Variants in SULT1C3 observed in about 807,000 individuals in gnomAD.
The protein encoded by SULT1C3 is sulfotransferase 1C3.
Under a neutral mutation model 28.4 loss-of-function variants are expected in SULT1C3, and 31 were observed. The observed-to-expected ratio is 1.09, with a 90% CI of 0.82 to 1.47. The LOEUF (loss-of-function observed/expected upper bound fraction) is 1.47, where lower values mean the gene tolerates loss of function less well. Among genes scored for constraint, SULT1C3 ranks in the 40% most tolerant of loss-of-function variants. The pLI is 0.00. For synonymous variants in SULT1C3, 106 were observed against 92.2 expected (o/e 1.15, Z -0.86); for missense variants, 307 against 272.5 (o/e 1.13, Z -0.89).
In SULT1C3 at chr2:108,247,360, A is replaced by G. The variant is rs746519387; in HGVS notation, c.166A>G (p.Lys56Glu). The G allele has an allele frequency of 5.2e-6, 8 of 1,549,734 alleles. No homozygotes were observed. In the East Asian group the frequency reaches 1.9e-4, roughly 36 times the overall value. Residue 56 changes from lysine (K) to glutamate (E), a missense_variant, in exon 2 of 8, where the codon AAG (lysine) becomes GAG (glutamate). Lys to Glu is a moderately conservative substitution (Grantham distance 56, BLOSUM62 1). Transcript: ENST00000681802. ...PDDLILATYPKSGTTWMHEIL... is the reference protein window; with the variant it reads ...PDDLILATYPESGTTWMHEIL... ...TGATCTTATTCTGGCAACTTACCCA[A>G]AGTCAGGTAAGGGTAGCAAAACATA...
At chr2:108,246,417 G>A (rs1207564645) in intron 1 of SULT1C3, among the ~76,000 whole-genome samples, 1 of 152,124 alleles carries the variant, frequency 6.6e-6, no homozygotes, top group Non-Finnish European at 1.5e-5. Flanking sequence ...ATCTGGGGAA[G>A]CCTCACAGTC....
rs567916808 is a variant in SULT1C3 at position 108,255,781 on chromosome 2, C to A, written c.526+83C>A. 20 of 1,494,994 alleles carry A rather than the reference C, an allele frequency of 1.3e-5. No homozygotes were observed. In the East Asian group the frequency reaches 3.1e-4, roughly 23 times the overall value. The allele number at this position is 1,494,994 out of a possible 1,614,324, so 92.6% of individuals were successfully genotyped here. On this transcript the variant is annotated intron_variant, in intron 5 of 7. Coordinates refer to ENST00000681802, the MANE Select transcript of SULT1C3 (RefSeq NM_001320878.2). ...CTCTGTAAACTGGAGGAGAAAGTTA[C>A]AAAAGGCCATCCTGATTGAGGAGGT...
intron 1 of SULT1C3, among the ~76,000 whole-genome samples, chr2:108,246,672 T>G (rs1467979555): frequency 6.6e-6 from 1 of 152,192 alleles, no homozygotes; most frequent in Non-Finnish European, 1.5e-5. Flanking sequence ...TGAAATTATG[T>G]TTTTTGAAGA....
chr2:108,247,289 C>T lies in SULT1C3; in HGVS notation c.95C>T (p.Ser32Leu). Residue 32 changes from serine (S) to leucine (L), a missense_variant, in exon 2 of 8, where the codon TCA (serine) becomes TTA (leucine). By Grantham distance (145) the Ser-to-Leu change is moderately radical (BLOSUM62 -2). Transcript: ENST00000681802. ...GATGGAGTCCCTACGTTGATATTAT[C>T]AAAAGAATGGTGGGAAAAAGTATGT... Reference protein sequence around the residue: ...EVDGVPTLILSKEWWEKVCNF... With the variant: ...EVDGVPTLILLKEWWEKVCNF... 1 of 1,598,490 alleles carries T rather than the reference C, an allele frequency of 6.3e-7. No individual in the cohort carries two copies. Among genetic ancestry groups the T allele is most frequent in the Non-Finnish European group, 8.5e-7 (1 of 1,171,360 alleles).
intron 4 of SULT1C3, among the ~76,000 whole-genome samples, chr2:108,254,869 T>C (rs1425259578): frequency 6.6e-6 from 1 of 150,832 alleles, no homozygotes; most frequent in Non-Finnish European, 1.5e-5. Flanking sequence ...ATCACTCAAA[T>C]CTTTGAGAAC....
At position 108,258,731 on chromosome 2, in the gene SULT1C3, C is replaced by T. The variant is rs545559388; in HGVS notation, c.527-3C>T. 1.2e-6 allele frequency: 2 copies of T among 1,610,920 alleles called. No homozygotes were observed. The highest frequency in any genetic ancestry group is 4.5e-5 in the East Asian group (2 of 44,796). On this transcript the variant is annotated splice_polypyrimidine_tract_variant and splice_region_variant and intron_variant, in intron 5 of 7. Transcript: ENST00000681802. ...GAACTAACAGTGCTCTGACTTCTTCCAGTTGTTGGCGGGTCCTGGTTTGAC... is the reference window on the plus strand; with the variant it reads ...GAACTAACAGTGCTCTGACTTCTTCTAGTTGTTGGCGGGTCCTGGTTTGAC...
chr2:108,263,329 G>A (rs1676064699), downstream of SULT1C3, among the ~76,000 whole-genome samples: 1 of 152,168 alleles, frequency 6.6e-6, no homozygotes, highest in African/African-American at 2.4e-5. Flanking sequence ...TTCAGCCTTT[G>A]CATAAGGGCA....
downstream of SULT1C3, chr2:108,264,970 T>C (rs893673072): frequency 8.1e-6 from 13 of 1,613,352 alleles, no homozygotes; most frequent in Admixed American, 1.3e-4. Context: ...CCCACCAGCA[T>C]TATGGACCAC....
intron 7 of SULT1C3, among the ~76,000 whole-genome samples, chr2:108,260,248 T>G (rs1206347027): frequency 6.6e-6 from 1 of 152,126 alleles, no homozygotes; most frequent in African/African-American, 2.4e-5. Flanking sequence ...AAGTCCATGA[T>G]GGTAACCAGC....
downstream of SULT1C3, among the ~76,000 whole-genome samples, chr2:108,263,960 T>C (rs1188865837): frequency 3.3e-5 from 5 of 152,216 alleles, no homozygotes; most frequent in Non-Finnish European, 4.4e-5. Flanking sequence ...TGGTATCATA[T>C]CTATCTCATG....
intron 5 of SULT1C3, among the ~76,000 whole-genome samples, chr2:108,256,977 T>A (rs12472278): frequency 0.27 from 40,436 of 151,842 alleles, 6,352 homozygotes; most frequent in East Asian, 0.73. Flanking sequence ...GAAGACAGGA[T>A]CCAAGCTTCT....
intron 2 of SULT1C3, among the ~76,000 whole-genome samples, chr2:108,250,814 G>A (rs970320683): frequency 6.6e-6 from 1 of 151,976 alleles, no homozygotes; most frequent in Non-Finnish European, 1.5e-5. Flanking sequence ...AGGACAAACT[G>A]TATGGTTTCA....
intron 2 of SULT1C3, 104 bp downstream of exon 2, chr2:108,247,470 C>A (rs1314287535): frequency 8.9e-7 from 1 of 1,124,314 alleles, no homozygotes; most frequent in South Asian, 2.3e-5. Context: ...AGAAACAATT[C>A]CTCATTATGG....
intron 7 of SULT1C3, among the ~76,000 whole-genome samples, chr2:108,259,411 C>T (rs1393949642): frequency 6.6e-6 from 1 of 152,044 alleles, no homozygotes; most frequent in Non-Finnish European, 1.5e-5. Flanking sequence ...AGCAGTAGCC[C>T]TCAAATTTGC....
chr2:108,264,988 C>T (rs770997839), downstream of SULT1C3: 2 of 1,611,006 alleles, frequency 1.2e-6, no homozygotes, highest in Non-Finnish European at 1.7e-6. Context: ...CACTCCATCT[C>T]CCCTTTTATG....
chr2:108,257,848 T>C (rs1675915206), intron 5 of SULT1C3, among the ~76,000 whole-genome samples: 1 of 152,080 alleles, frequency 6.6e-6, no homozygotes, highest in South Asian at 2.1e-4. Context: ...ACTAATGTAT[T>C]CTTTGGATTT....
In SULT1C3 at chr2:108,251,617, G is replaced by C. The variant is rs546936506; in HGVS notation, c.173-748G>C. On this transcript the variant is annotated intron_variant, in intron 2 of 7. Coordinates refer to ENST00000681802, the MANE Select transcript of SULT1C3 (RefSeq NM_001320878.2). ...TTTATGGGAAATAGAGGAAATAGAGGAACAAAAATGTACTGTGAAGAAATA... is the reference window on the plus strand; with the variant it reads ...TTTATGGGAAATAGAGGAAATAGAGCAACAAAAATGTACTGTGAAGAAATA... Among the ~76,000 whole-genome samples the C allele has an allele frequency of 2.6e-5, 4 of 151,928 alleles. No homozygotes were observed. The South Asian group carries it at 8.3e-4, about 32-fold the overall frequency.
intron 1 of SULT1C3, among the ~76,000 whole-genome samples, chr2:108,243,222 T>C (rs1675504216): frequency 6.6e-6 from 1 of 152,186 alleles, no homozygotes; most frequent in African/African-American, 2.4e-5. Flanking sequence ...CTCCATTTTG[T>C]TTCCAGCGCC....
chr2:108,261,111 A>G (rs943504035), downstream of SULT1C3, among the ~76,000 whole-genome samples: 3 of 152,170 alleles, frequency 2.0e-5, no homozygotes, highest in Admixed American at 2.0e-4. Context: ...ATAAATAATA[A>G]CTTCCAAGAG....
Sources: gnomAD v4.1 joint callset for allele counts (sites outside exome capture counted in the v4.1 genomes callset) on GRCh38, gnomAD v4.1.1 for gene constraint, MANE v1.5 for transcripts, NCBI Gene and HGNC (gene_info 2026-07-23, HGNC 2026-07-21) for gene names.